Variants in FRMD4A observed in about 807,000 individuals in gnomAD.
The protein encoded by FRMD4A is FERM domain-containing protein 4A.
FRMD4A carries 29 observed loss-of-function variants against 129.1 expected under a neutral mutation model. The observed-to-expected ratio is 0.22, with a 90% CI of 0.17 to 0.31. The LOEUF is 0.31. Ranked by LOEUF, FRMD4A falls within the 10% of genes least tolerant of loss-of-function variation. The probability of loss-of-function intolerance (pLI) is 1.00; values close to 1 mark genes in which losing one functional copy is unlikely to be tolerated. For synonymous variants in FRMD4A, 634 were observed against 571.6 expected (o/e 1.11, Z -1.56); for missense variants, 1,272 against 1,375.8 (o/e 0.92, Z 1.19).
chr10:13,857,697 C>T (rs1321186083), intron 3 of FRMD4A, among the ~76,000 whole-genome samples: 1 of 152,220 alleles, frequency 6.6e-6, no homozygotes, highest in Non-Finnish European at 1.5e-5. Flanking sequence ...ATCCTCTCAA[C>T]TCACTGATGA....
chr10:13,724,594 CT>C (rs2089743226), intron 12 of FRMD4A, among the ~76,000 whole-genome samples: 1 of 152,186 alleles, frequency 6.6e-6, no homozygotes, highest in African/African-American at 2.4e-5. Flanking sequence ...TGATTTGCTT[CT>C]TCAAATTGCA....
At chr10:13,900,650 A>C (rs2094808853) in intron 2 of FRMD4A, among the ~76,000 whole-genome samples, 1 of 152,260 alleles carries the variant, frequency 6.6e-6, no homozygotes, top group Admixed American at 6.5e-5. Context: ...TAATCCCGGG[A>C]CTTTGGGAGG....
At chr10:14,158,828 G>A (rs959209466) in intron 2 of FRMD4A, among the ~76,000 whole-genome samples, 8 of 128,418 alleles carry the variant, frequency 6.2e-5, no homozygotes, top group East Asian at 2.1e-4. Context: ...AGAAGAGGGA[G>A]GAGGAGAAAG....
rs114504349 is a variant in FRMD4A, at chr10:13,935,792, A to G, written c.46-76880T>C. On this transcript the variant is annotated intron_variant, in intron 2 of 24. Coordinates refer to ENST00000357447, the MANE Select transcript of FRMD4A (RefSeq NM_018027.5). ...AGATACTCCTATCCTCCTTCCTACT[A>G]AAAAGAAACTGAGGCTCAAAAAGCT... is the stretch of plus-strand genomic sequence containing the variant. 7.7e-3 allele frequency among the ~76,000 whole-genome samples: 1,180 copies of G among 152,276 alleles called. 23 individuals carry two copies. Among genetic ancestry groups the G allele is most frequent in the African/African-American group, 0.026 (1,084 of 41,562 alleles).
At chr10:13,707,337 T>G in intron 12 of FRMD4A, 158 of 1,181,630 alleles carry the variant, frequency 1.3e-4, no homozygotes, top group Middle Eastern at 6.9e-4. Flanking sequence ...TTCCTGCAGG[T>G]TCCTTAACTG....
chr10:13,794,974 A>C (rs143241861), intron 5 of FRMD4A, among the ~76,000 whole-genome samples: 447 of 152,314 alleles, frequency 2.9e-3, no homozygotes, highest in African/African-American at 0.01. Context: ...TCCACCACCA[A>C]CGTCAAGGTG....
chr10:13,728,302 C>T (rs1700368285), intron 12 of FRMD4A, among the ~76,000 whole-genome samples: 1 of 152,078 alleles, frequency 6.6e-6, no homozygotes, highest in Non-Finnish European at 1.5e-5. Flanking sequence ...TGCTTTGAAG[C>T]ACTGGGAGAA....
intron 15 of FRMD4A, among the ~76,000 whole-genome samples, chr10:13,687,807 T>C (rs1013471777): frequency 1.3e-5 from 2 of 152,152 alleles, no homozygotes; most frequent in African/African-American, 4.8e-5. Flanking sequence ...CCTGCACAAA[T>C]GGATTCAGGA....
At chr10:13,662,696 C>T (rs751872104) in intron 19 of FRMD4A, among the ~76,000 whole-genome samples, 4 of 152,110 alleles carry the variant, frequency 2.6e-5, no homozygotes, top group Non-Finnish European at 5.9e-5. Context: ...AGTTTTCCAG[C>T]CTGAGTGTGT....
rs148570658 is a variant in FRMD4A at position 14,272,518 on chromosome 10, G to A, written c.45+57540C>T. On this transcript the variant is annotated intron_variant, in intron 2 of 24. Coordinates refer to ENST00000357447, the MANE Select transcript of FRMD4A (RefSeq NM_018027.5). ...ACCAAGACACTCTCCATCCTAACAC[G>A]TCTATTACCAACCTGACATTTTGCT... is the stretch of plus-strand genomic sequence containing the variant. Among the ~76,000 whole-genome samples the A allele has an allele frequency of 1.7e-3, 255 of 152,268 alleles. 1 individual carries two copies. The highest frequency in any genetic ancestry group is 5.5e-3 in the African/African-American group (230 of 41,550).
chr10:13,866,367 T>C, intron 2 of FRMD4A: 1 of 594,034 alleles, frequency 1.7e-6, no homozygotes, highest in Non-Finnish European at 2.1e-6. Flanking sequence ...TGACCCAGGC[T>C]GTTGTGTGGC....
At chr10:14,087,940 A>ACTGT (rs1836392466) in intron 2 of FRMD4A, among the ~76,000 whole-genome samples, 1 of 152,160 alleles carries the variant, frequency 6.6e-6, no homozygotes, top group African/African-American at 2.4e-5. Flanking sequence ...CTGGATACTA[A>ACTGT]AAAGCAAATT....
chr10:14,068,546 T>C (rs1835167531), intron 2 of FRMD4A, among the ~76,000 whole-genome samples: 1 of 152,234 alleles, frequency 6.6e-6, no homozygotes. Context: ...GTAGTTGTAC[T>C]TGGAGTTCTT....
At position 14,110,125 on chromosome 10, in the gene FRMD4A, T is replaced by TTAAAAA. The variant is rs372420987; in HGVS notation, c.45+219932_45+219933insTTTTTA. On this transcript the variant is annotated intron_variant, in intron 2 of 24. Transcript: ENST00000357447. ...GGCTGGGCAACAAAGCGAGATGCTG[T>TTAAAAA]AAAAAAAAAAAAAAAAAAAAAAGCT... Among the ~76,000 whole-genome samples the TTAAAAA allele has an allele frequency of 3.7e-3, 329 of 89,526 alleles. 65 individuals carry two copies. Among genetic ancestry groups the TTAAAAA allele is most frequent in the African/African-American group, 0.012 (263 of 21,500 alleles). 58.7% of individuals were successfully genotyped at this position (89,526 alleles called of 152,430 possible).
chr10:14,273,092 GCA>G (rs147736514), intron 2 of FRMD4A, among the ~76,000 whole-genome samples: 7 of 130,230 alleles, frequency 5.4e-5, no homozygotes, highest in Admixed American at 7.3e-5. Context: ...ACACACACAT[GCA>G]CACACACACA....
chr10:13,791,359 C>T (rs117645181), intron 5 of FRMD4A, among the ~76,000 whole-genome samples: 2,408 of 152,068 alleles, frequency 0.016, 37 homozygotes, highest in South Asian at 0.049. Context: ...GTTGCATGAA[C>T]ATTTTCCTGA....
At chr10:14,210,675 C>G (rs772734902) in intron 2 of FRMD4A, among the ~76,000 whole-genome samples, 2 of 152,108 alleles carry the variant, frequency 1.3e-5, no homozygotes, top group African/African-American at 4.8e-5. Flanking sequence ...CTCCAATAGC[C>G]GCACTGTATC....
chr10:13,862,989 G>A (rs1359604109), intron 2 of FRMD4A, among the ~76,000 whole-genome samples: 27 of 148,594 alleles, frequency 1.8e-4, no homozygotes, highest in African/African-American at 6.7e-4. Flanking sequence ...CAGACACTAC[G>A]GGAGCCCTGG....
At chr10:14,065,681 A>G (rs1413433270) in intron 2 of FRMD4A, among the ~76,000 whole-genome samples, 1 of 152,170 alleles carries the variant, frequency 6.6e-6, no homozygotes, top group Non-Finnish European at 1.5e-5. Flanking sequence ...AAATGTCCCC[A>G]TCAGAAGGGC....
Sources: gnomAD v4.1 joint callset for allele counts (sites outside exome capture counted in the v4.1 genomes callset) on GRCh38, gnomAD v4.1.1 for gene constraint, MANE v1.5 for transcripts, NCBI Gene and HGNC (gene_info 2026-07-23, HGNC 2026-07-21) for gene names.